Variants in IDH1 observed in about 807,000 individuals in gnomAD.
IDH1 encodes the protein isocitrate dehydrogenase (NADP(+)) 1.
In IDH1, 33 loss-of-function variants were observed where a neutral mutation model predicts 46.1. The ratio of observed to expected loss-of-function variants is 0.72; its 90% CI spans 0.54 to 0.96. The LOEUF (loss-of-function observed/expected upper bound fraction) is 0.96, where lower values mean the gene tolerates loss of function less well. IDH1 is among the 40% of genes least tolerant of loss of function. IDH1 has a pLI of 0.00. For missense variants in IDH1, 421 were observed against 515.7 expected, an observed-to-expected ratio of 0.82 and a Z score of 1.78; for synonymous variants, 144 against 172.8, an observed-to-expected ratio of 0.83 and a Z score of 1.31.
At chr2:208,241,534 A>G (rs1687919752) in intron 7 of IDH1, among the ~76,000 whole-genome samples, 1 of 152,048 alleles carries the variant, frequency 6.6e-6, no homozygotes, top group Non-Finnish European at 1.5e-5. Flanking sequence ...GCCCAGCCAA[A>G]CACATTTGTT....
intron 4 of IDH1, chr2:208,248,088 G>T: frequency 2.2e-6 from 1 of 451,090 alleles, no homozygotes; most frequent in Non-Finnish European, 4.0e-6. Flanking sequence ...CATAAAAATG[G>T]CAATATCATA....
At chr2:208,248,303 A>T (rs2124862247) in intron 4 of IDH1, 66 bp downstream of exon 4, 1 of 1,432,178 alleles carries the variant, frequency 7.0e-7, no homozygotes, top group Non-Finnish European at 9.8e-7. Flanking sequence ...AACACATACA[A>T]GTTGGAAATT....
intron 7 of IDH1, chr2:208,240,236 T>C: frequency 1.8e-6 from 1 of 555,848 alleles, no homozygotes; most frequent in Non-Finnish European, 3.3e-6. Flanking sequence ...CAGGGATACC[T>C]ACTCCTTGAT....
intron 2 of IDH1, 34 bp downstream of exon 2, chr2:208,253,852 T>C (rs1305054921): frequency 4.6e-5 from 7 of 152,176 alleles, no homozygotes; most frequent in African/African-American, 2.4e-5. Context: ...TCAAAGAAAG[T>C]ACAGAAGAAG....
rs2124851720 is a variant in IDH1, at chr2:208,242,039, A to G, written c.805T>C (p.Cys269Arg). 1.2e-6 allele frequency: 2 copies of G among 1,612,992 alleles called. No individual in the cohort carries two copies. Among genetic ancestry groups the G allele is most frequent in the East Asian group, 2.2e-5 (1 of 44,888 alleles). The change falls in exon 7 of 10, where the codon TGT (cysteine) becomes CGT (arginine). Residue 269 changes from cysteine to arginine, a missense_variant. Transcript: ENST00000345146. The part of the protein sequence containing the change: ...MKSEGGFIWA[C>R]KNYDGDVQSD... ...TGCACGTCACCATCATAGTTTTTACAGGCCCAGATGAAGCCTCCCTCTGAT... is the reference window on the plus strand; with the variant it reads ...TGCACGTCACCATCATAGTTTTTACGGGCCCAGATGAAGCCTCCCTCTGAT...
intron 8 of IDH1, 42 bp downstream of exon 8, chr2:208,239,821 A>T: frequency 6.2e-7 from 1 of 1,609,938 alleles, no homozygotes; most frequent in East Asian, 2.2e-5. Flanking sequence ...GCTGCTTTGG[A>T]GAGCACTCTC....
intron 6 of IDH1, among the ~76,000 whole-genome samples, chr2:208,242,600 A>G (rs910661704): frequency 6.6e-6 from 1 of 152,232 alleles, no homozygotes; most frequent in Non-Finnish European, 1.5e-5. Flanking sequence ...AAAATGCCTC[A>G]GGAACATTTT....
At chr2:208,243,351 A>C in intron 6 of IDH1, 76 bp downstream of exon 6, 3 of 1,084,938 alleles carry the variant, frequency 2.8e-6, no homozygotes, top group Non-Finnish European at 4.2e-6. Flanking sequence ...TCATAGGGAT[A>C]GGGAGATACA....
Position 208,238,956 on chromosome 2 carries a change from C to T in IDH1, c.1154+115G>A, listed in dbSNP as rs1687866654. On this transcript the variant is annotated intron_variant, in intron 9 of 9. Transcript: ENST00000345146. ...CTGACAATTTACAGATATCTGCTGA[C>T]TCCTGAACTAGATGATGAATAACAA... 1.0e-5 allele frequency: 10 copies of T among 960,978 alleles called. No individual in the cohort carries two copies. The Admixed American group carries it at 1.8e-4, about 17-fold the overall frequency. 59.5% of individuals were successfully genotyped at this position (960,978 alleles called of 1,614,324 possible). A position where few individuals can be genotyped will look rare whatever the true frequency, so the allele number is the denominator to read the frequency against.
chr2:208,251,252 T>C (rs1367229422), intron 3 of IDH1, 178 bp downstream of exon 3: 6 of 518,176 alleles, frequency 1.2e-5, no homozygotes, highest in African/African-American at 7.8e-5. Flanking sequence ...CCCTTTTTTT[T>C]CCTTTTTTTT....
chr2:208,244,021 C>T (rs912189179), intron 5 of IDH1, among the ~76,000 whole-genome samples: 8 of 152,308 alleles, frequency 5.3e-5, no homozygotes, highest in African/African-American at 7.2e-5. Context: ...AGGTGGGGCC[C>T]AGTGGGAGGA....
intron 4 of IDH1, among the ~76,000 whole-genome samples, chr2:208,246,886 T>TGA (rs367702078): frequency 5.1e-4 from 77 of 152,188 alleles, no homozygotes; most frequent in African/African-American, 1.6e-3. Flanking sequence ...GAGGTTGCAG[T>TGA]GAGCCAAGAT....
Position 208,242,098 on chromosome 2 carries a change from C to G in IDH1, c.746G>C (p.Arg249Thr). 6.2e-7 allele frequency: 1 copy of G among 1,613,610 alleles called. No homozygotes were observed. Among genetic ancestry groups the G allele is most frequent in the Non-Finnish European group, 8.5e-7 (1 of 1,179,704 alleles). Residue 249 changes from arginine (R) to threonine (T), a missense_variant, in exon 7 of 10, where the codon AGG becomes ACG. Coordinates refer to ENST00000345146, the MANE Select transcript of IDH1 (RefSeq NM_005896.4). ...TTGGGCCACCATGTCGTCGATGAGC[C>G]TATGCTCATACCAGATCTTTTGAGC... ...FEAQKIWYEHRLIDDMVAQAM... is the reference protein window; with the variant it reads ...FEAQKIWYEHTLIDDMVAQAM...
intron 6 of IDH1, among the ~76,000 whole-genome samples, chr2:208,242,754 T>C (rs866873476): frequency 2.6e-4 from 39 of 151,958 alleles, no homozygotes; most frequent in Middle Eastern, 3.4e-3. Context: ...TAAATTCTTT[T>C]TTTTCTTTTC....
intron 4 of IDH1, 81 bp from the exon 5 acceptor site, chr2:208,245,505 C>T (rs1041999427): frequency 5.1e-6 from 4 of 779,626 alleles, no homozygotes; most frequent in Non-Finnish European, 9.0e-6. Flanking sequence ...ATAATATAGA[C>T]CTAGAAGACA....
rs201504723 is a variant in IDH1, at chr2:208,251,396, C to G, written c.122+34G>C. The G allele has an allele frequency of 5.0e-6, 8 of 1,610,816 alleles. No individual in the cohort carries two copies. The East Asian group carries it at 1.6e-4, about 31-fold the overall frequency. ...ACCATGCCCAGCCAGATTATCCTTT[C>G]TGAGTTTGCTACACGGAGGGGTAAC... On this transcript the variant is annotated intron_variant, in intron 3 of 9. Coordinates refer to ENST00000345146, the MANE Select transcript of IDH1 (RefSeq NM_005896.4).
At chr2:208,246,249 C>A (rs547697490) in intron 4 of IDH1, among the ~76,000 whole-genome samples, 1 of 152,180 alleles carries the variant, frequency 6.6e-6, no homozygotes, top group Non-Finnish European at 1.5e-5. Flanking sequence ...ATATACTAGA[C>A]ATCCATAAGT....
rs777761062 is a variant in IDH1, at chr2:208,248,655, T to G, written c.128A>C (p.Asp43Ala). The G allele has an allele frequency of 3.7e-6, 6 of 1,613,998 alleles. No homozygotes were observed. The highest frequency in any genetic ancestry group is 5.1e-6 in the Non-Finnish European group (6 of 1,179,924). Residue 43 changes from aspartate to alanine, a missense_variant, in exon 4 of 10, where the codon GAT becomes GCT. Physicochemically the swap from Asp to Ala is moderately radical, Grantham distance 126. Coordinates refer to ENST00000345146, the MANE Select transcript of IDH1 (RefSeq NM_005896.4). ...GGCATCACGATTCTCTATGCCTAAA[T>G]CATAGCTTGAAAGAGAAAAATTAGA... is the stretch of plus-strand genomic sequence containing the variant. ...PYVELDLHSY[D>A]LGIENRDATN... is the part of the protein sequence containing the mutation.
At chr2:208,237,214 A>G in intron 9 of IDH1, 45 bp from the exon 10 acceptor site, 1 of 1,013,724 alleles carries the variant, frequency 9.9e-7, no homozygotes, top group South Asian at 1.3e-5. Flanking sequence ...GGTCTCTGAT[A>G]TGGTAGCAGG....
Sources: allele counts gnomAD v4.1 joint callset (sites outside exome capture counted in the v4.1 genomes callset), GRCh38; gene constraint gnomAD v4.1.1; transcripts MANE v1.5; gene names NCBI Gene and HGNC (gene_info 2026-07-23, HGNC 2026-07-21).